KCNQ5: variants seen among roughly 807,000 people sequenced by gnomAD.
KCNQ5 encodes potassium voltage-gated channel subfamily KQT member 5.
KCNQ5 carries 30 observed loss-of-function variants against 98.2 expected under a neutral mutation model. That is an observed-to-expected ratio of 0.31 (90% confidence interval 0.23 to 0.41). The LOEUF is 0.41. Ranked by LOEUF, KCNQ5 falls within the 10% of genes least tolerant of loss-of-function variation. The pLI, the probability that KCNQ5 is intolerant of heterozygous loss-of-function variation, is 1.00. For missense variants in KCNQ5, 835 were observed against 1,182.5 expected, an observed-to-expected ratio of 0.71 and a Z score of 4.31; for synonymous variants, 458 against 449.4, an observed-to-expected ratio of 1.02 and a Z score of -0.24.
intron 7 of KCNQ5, among the ~76,000 whole-genome samples, chr6:73,112,183 A>C (rs896404332): frequency 6.6e-6 from 1 of 152,116 alleles, no homozygotes; most frequent in Non-Finnish European, 1.5e-5. Context: ...ATAATTCTAC[A>C]ATCTAAAGTT....
chr6:72,909,983 C>T (rs929283507), intron 1 of KCNQ5, among the ~76,000 whole-genome samples: 1 of 152,150 alleles, frequency 6.6e-6, no homozygotes, highest in Non-Finnish European at 1.5e-5. Flanking sequence ...TTGAATGTGA[C>T]TGACTTTCTT....
At chr6:72,779,819 TTCTG>T (rs1773360982) in intron 1 of KCNQ5, among the ~76,000 whole-genome samples, 1 of 137,536 alleles carries the variant, frequency 7.3e-6, no homozygotes, top group Non-Finnish European at 1.6e-5. Flanking sequence ...TAATTTAATT[TTCTG>T]TGTGTGTGTG....
chr6:72,961,458 A>C (rs1767345251), intron 1 of KCNQ5, among the ~76,000 whole-genome samples: 1 of 151,722 alleles, frequency 6.6e-6, no homozygotes. Context: ...TCTACTAAAA[A>C]AATAGAAAAA....
chr6:72,975,408 CA>C (rs1292200482), intron 1 of KCNQ5, among the ~76,000 whole-genome samples: 2 of 152,026 alleles, frequency 1.3e-5, no homozygotes, highest in Non-Finnish European at 2.9e-5. Context: ...GTCTAGTGTC[CA>C]TCGCTTGCCA....
intron 1 of KCNQ5, among the ~76,000 whole-genome samples, chr6:72,818,836 CTT>C (rs1273168943): frequency 5.3e-5 from 8 of 150,736 alleles, no homozygotes; most frequent in African/African-American, 1.9e-4. Flanking sequence ...TTTAAATAAT[CTT>C]TGATTAATTC....
chr6:73,136,260 G>A (rs1384111504), intron 10 of KCNQ5: 3 of 152,104 alleles, frequency 2.0e-5, no homozygotes, highest in Non-Finnish European at 4.4e-5. Flanking sequence ...CCTTACTGTT[G>A]GCTGAGCATA....
chr6:73,186,055 C>G (rs913468362), intron 11 of KCNQ5, among the ~76,000 whole-genome samples: 1 of 151,548 alleles, frequency 6.6e-6, no homozygotes, highest in Non-Finnish European at 1.5e-5. Context: ...GGAGACCCCC[C>G]CTATCTCTGC....
chr6:72,973,698 T>C (rs1038596130), intron 1 of KCNQ5, among the ~76,000 whole-genome samples: 3 of 152,204 alleles, frequency 2.0e-5, no homozygotes, highest in Admixed American at 6.5e-5. Flanking sequence ...GATCAAATAC[T>C]CTTCCGATCA....
intron 6 of KCNQ5, 24 bp downstream of exon 6, chr6:73,105,391 G>A: frequency 6.7e-7 from 1 of 1,486,698 alleles, no homozygotes; most frequent in African/African-American, 1.4e-5. Flanking sequence ...CACCAATAAA[G>A]CAGTTTAAAT....
chr6:72,935,378 T>C (rs1765871207), intron 1 of KCNQ5, among the ~76,000 whole-genome samples: 1 of 152,118 alleles, frequency 6.6e-6, no homozygotes, highest in African/African-American at 2.4e-5. Flanking sequence ...ACCAGCGTTG[T>C]CCTATCTTTG....
chr6:72,976,446 T>C, intron 1 of KCNQ5, among the ~76,000 whole-genome samples: 1 of 152,246 alleles, frequency 6.6e-6, no homozygotes, highest in East Asian at 1.9e-4. Flanking sequence ...CGGATTATTT[T>C]CCATAGTGTC....
Position 73,124,479 on chromosome 6 carries a change from C to T in KCNQ5, c.1221-7C>T, listed in dbSNP as rs1163203319. On this transcript the variant is annotated splice_region_variant and splice_polypyrimidine_tract_variant and intron_variant, in intron 8 of 13. Transcript: ENST00000370398. Reference sequence around the variant, plus strand: ...ATCATTTCTCTTCTGCCTGCACGCACCTGAAGGAAAGAACAAGGGGAAGCA... The same window carrying T: ...ATCATTTCTCTTCTGCCTGCACGCATCTGAAGGAAAGAACAAGGGGAAGCA... The T allele has an allele frequency of 6.2e-7, 1 of 1,613,302 alleles. No individual in the cohort carries two copies. The highest frequency in any genetic ancestry group is 1.1e-5 in the South Asian group (1 of 91,002).
At chr6:72,715,451 A>T (rs1317460918) in intron 1 of KCNQ5, among the ~76,000 whole-genome samples, 1 of 152,200 alleles carries the variant, frequency 6.6e-6, no homozygotes, top group Non-Finnish European at 1.5e-5. Context: ...CTCAATAAAA[A>T]TGTTTGCCCT....
intron 1 of KCNQ5, among the ~76,000 whole-genome samples, chr6:72,919,174 G>A (rs992385830): frequency 2.6e-5 from 4 of 152,170 alleles, no homozygotes; most frequent in African/African-American, 7.2e-5. Flanking sequence ...TTGCATCAAG[G>A]TGTTTGCCTC....
intron 1 of KCNQ5, among the ~76,000 whole-genome samples, chr6:72,864,871 A>G (rs1217340068): frequency 6.6e-6 from 1 of 152,210 alleles, no homozygotes; most frequent in Non-Finnish European, 1.5e-5. Flanking sequence ...AACATTTGCT[A>G]CTTTCAGTCA....
At chr6:72,809,175 A>G (rs1775108446) in intron 1 of KCNQ5, among the ~76,000 whole-genome samples, 1 of 141,426 alleles carries the variant, frequency 7.1e-6, no homozygotes, top group African/African-American at 2.6e-5. Flanking sequence ...TCTCACTCAT[A>G]GGTGGGAATT....
chr6:73,113,031 T>A (rs1775317465), intron 7 of KCNQ5, among the ~76,000 whole-genome samples: 1 of 152,100 alleles, frequency 6.6e-6, no homozygotes, highest in African/African-American at 2.4e-5. Context: ...CTCTATTTTC[T>A]TATATGAAGT....
At chr6:72,699,117 C>T (rs1768667583) in intron 1 of KCNQ5, among the ~76,000 whole-genome samples, 1 of 152,112 alleles carries the variant, frequency 6.6e-6, no homozygotes, top group South Asian at 2.1e-4. Flanking sequence ...ATAAGGATGG[C>T]ACTTTGGAAA....
intron 1 of KCNQ5, among the ~76,000 whole-genome samples, chr6:73,002,221 C>G (rs531335405): frequency 6.6e-6 from 1 of 152,132 alleles, no homozygotes; most frequent in Non-Finnish European, 1.5e-5. Context: ...CCTCTTGGAG[C>G]CTTCTGTTTA....
Sources: allele counts gnomAD v4.1 joint callset (sites outside exome capture counted in the v4.1 genomes callset), GRCh38; gene constraint gnomAD v4.1.1; transcripts MANE v1.5; gene names NCBI Gene and HGNC (gene_info 2026-07-23, HGNC 2026-07-21).